Variants in NRXN1 observed in about 807,000 individuals in gnomAD.
NRXN1 encodes neurexin-1.
NRXN1 carries 39 observed loss-of-function variants against 150.9 expected under a neutral mutation model. That is an observed-to-expected ratio of 0.26 (90% CI 0.20 to 0.34). The LOEUF (loss-of-function observed/expected upper bound fraction) is 0.34. Ranked by LOEUF, NRXN1 falls within the 10% of genes least tolerant of loss-of-function variation. NRXN1 has a pLI of 1.00. For missense variants in NRXN1, 1,815 were observed against 1,949.9 expected (o/e 0.93, Z 1.30); for synonymous variants, 924 against 757.0 (o/e 1.22, Z -3.62).
chr2:50,073,793 A>G (rs1462567385), intron 19 of NRXN1, among the ~76,000 whole-genome samples: 2 of 152,230 alleles, frequency 1.3e-5, no homozygotes, highest in African/African-American at 2.4e-5. Context: ...GAGTTTGAGC[A>G]TTCTGATTAG....
At chr2:50,607,450 G>A (rs1677319472) in intron 8 of NRXN1, among the ~76,000 whole-genome samples, 1 of 152,100 alleles carries the variant, frequency 6.6e-6, no homozygotes, top group Non-Finnish European at 1.5e-5. Context: ...GCTTAAGACT[G>A]CAAATCCCCA....
intron 16 of NRXN1, among the ~76,000 whole-genome samples, chr2:50,471,404 G>A (rs1280571294): frequency 1.3e-5 from 2 of 151,738 alleles, no homozygotes; most frequent in Non-Finnish European, 2.9e-5. Context: ...TTGGCCTCCA[G>A]TTCCATCCAA....
intron 5 of NRXN1, among the ~76,000 whole-genome samples, chr2:50,694,604 C>A (rs570518146): frequency 6.6e-6 from 1 of 152,108 alleles, no homozygotes; most frequent in South Asian, 2.1e-4. Flanking sequence ...AAGTCAGAAT[C>A]GAAGAAGCAT....
At chr2:50,221,133 C>G (rs999448263) in intron 18 of NRXN1, among the ~76,000 whole-genome samples, 2 of 151,944 alleles carry the variant, frequency 1.3e-5, no homozygotes, top group African/African-American at 2.4e-5. Context: ...AGTTATTTTA[C>G]TTTAGAATCT....
At chr2:51,003,379 G>T (rs756585277) in intron 2 of NRXN1, among the ~76,000 whole-genome samples, 1 of 151,918 alleles carries the variant, frequency 6.6e-6, no homozygotes, top group East Asian at 1.9e-4. Context: ...TTTCACATAC[G>T]ATTCTAATTA....
intron 15 of NRXN1, among the ~76,000 whole-genome samples, chr2:50,482,813 C>T (rs917669839): frequency 1.3e-5 from 2 of 151,980 alleles, no homozygotes; most frequent in Non-Finnish European, 2.9e-5. Flanking sequence ...AAGAATCTGG[C>T]CAACAGGCGC....
rs186482050 is a variant in NRXN1, at chr2:49,975,665, T to G, written c.4129-31874A>C. Among the ~76,000 whole-genome samples, 351 of 152,292 alleles carry G rather than the reference T, an allele frequency of 2.3e-3. 2 individuals are homozygous for G. Among genetic ancestry groups the G allele is most frequent in the African/African-American group, 8.0e-3 (333 of 41,564 alleles). On this transcript the variant is annotated intron_variant, in intron 21 of 22. Coordinates refer to ENST00000401669, the MANE Select transcript of NRXN1 (RefSeq NM_001330078.2). ...AGACTATTCAATAATAACGTAATTC[T>G]CAACAAACTTTATTCTTAAAAAATA...
At chr2:50,333,880 G>A (rs1407184707) in intron 17 of NRXN1, among the ~76,000 whole-genome samples, 1 of 152,064 alleles carries the variant, frequency 6.6e-6, no homozygotes, top group African/African-American at 2.4e-5. Flanking sequence ...TGCATATTGT[G>A]AATGAGGAGG....
chr2:50,809,295 G>A (rs17569132), intron 5 of NRXN1, among the ~76,000 whole-genome samples: 5 of 151,908 alleles, frequency 3.3e-5, no homozygotes, highest in African/African-American at 7.2e-5. Context: ...GATGTCTACC[G>A]AAGGTCCCTT....
chr2:50,538,118 T>C (rs2053139908), intron 10 of NRXN1, 135 bp downstream of exon 10: 6 of 941,462 alleles, frequency 6.4e-6, no homozygotes, highest in Non-Finnish European at 9.2e-6. Context: ...ATGTCAGGTA[T>C]GGCTGCTCAG....
At chr2:50,452,841 A>G (rs2087120937) in intron 17 of NRXN1, among the ~76,000 whole-genome samples, 1 of 152,198 alleles carries the variant, frequency 6.6e-6, no homozygotes, top group Non-Finnish European at 1.5e-5. Flanking sequence ...ATTTCAAAGA[A>G]CACAAAAGAA....
intron 17 of NRXN1, among the ~76,000 whole-genome samples, chr2:50,382,293 C>T (rs189815843): frequency 2.0e-5 from 3 of 152,204 alleles, no homozygotes; most frequent in East Asian, 1.9e-4. Context: ...TCTTTAAATG[C>T]TTATCATGAT....
intron 17 of NRXN1, among the ~76,000 whole-genome samples, chr2:50,265,259 ATG>A (rs1214059774): frequency 6.6e-6 from 1 of 152,094 alleles, no homozygotes; most frequent in East Asian, 1.9e-4. Context: ...CCGAAAAAAA[ATG>A]TGTACTCTGA....
At chr2:50,144,895 C>T (rs1707787306) in intron 18 of NRXN1, among the ~76,000 whole-genome samples, 1 of 151,624 alleles carries the variant, frequency 6.6e-6, no homozygotes, top group Non-Finnish European at 1.5e-5. Flanking sequence ...TAGGGGTTGA[C>T]ATTTTTATCC....
At chr2:50,974,863 A>C (rs552267573) in intron 2 of NRXN1, among the ~76,000 whole-genome samples, 2 of 152,192 alleles carry the variant, frequency 1.3e-5, no homozygotes, top group Admixed American at 1.3e-4. Flanking sequence ...TTCATTTAAA[A>C]TTTGTTCCCT....
At chr2:50,759,842 G>GTGTC (rs1701592857) in intron 5 of NRXN1, among the ~76,000 whole-genome samples, 1 of 150,116 alleles carries the variant, frequency 6.7e-6, no homozygotes, top group Admixed American at 6.7e-5. Flanking sequence ...GTGTGTGTGT[G>GTGTC]TGTGTGTGTG....
chr2:50,865,580 A>ATGTGTGTGTGTGTGTG (rs112867077), intron 5 of NRXN1, among the ~76,000 whole-genome samples: 2,803 of 130,678 alleles, frequency 0.021, 44 homozygotes, highest in Non-Finnish European at 0.027. Flanking sequence ...AAATATATAA[A>ATGTGTGTGTGTGTGTG]TGTGTGTGTG....
At chr2:50,638,089 C>A (rs144031146) in intron 5 of NRXN1, among the ~76,000 whole-genome samples, 48 of 152,034 alleles carry the variant, frequency 3.2e-4, no homozygotes, top group African/African-American at 1.1e-3. Context: ...ATAACATTTA[C>A]GAGACTTTCT....
chr2:51,002,720 T>C (rs549712190), intron 2 of NRXN1, among the ~76,000 whole-genome samples: 2 of 152,046 alleles, frequency 1.3e-5, no homozygotes, highest in South Asian at 2.1e-4. Flanking sequence ...AATACAATTT[T>C]TGAAGTGTTA....
Sources: gnomAD v4.1 joint callset for allele counts (sites outside exome capture counted in the v4.1 genomes callset) on GRCh38, gnomAD v4.1.1 for gene constraint, MANE v1.5 for transcripts, NCBI Gene and HGNC (gene_info 2026-07-23, HGNC 2026-07-21) for gene names.